Variants in B4GALNT4 observed in about 807,000 individuals in gnomAD.
B4GALNT4 encodes the protein N-acetyl-beta-glucosaminyl-glycoprotein 4-beta-N-acetylgalactosaminyltransferase 1.
In B4GALNT4, 77 loss-of-function variants were observed where a neutral mutation model predicts 110.0. The ratio of observed to expected loss-of-function variants is 0.70; its 90% CI spans 0.58 to 0.85. The LOEUF is 0.85. Among genes scored for constraint, B4GALNT4 ranks in the 40% least tolerant of loss-of-function variants. The pLI is 0.00. For missense variants in B4GALNT4, 1,575 were observed against 1,506.0 expected, an observed-to-expected ratio of 1.05 and a Z score of -0.76; for synonymous variants, 785 against 655.5, an observed-to-expected ratio of 1.20 and a Z score of -3.02.
Position 379,984 on chromosome 11 carries a change from C to T in B4GALNT4, c.2607C>T (p.Asp869=), listed in dbSNP as rs752929271. The change falls in exon 16 of 20, where the codon GAC becomes GAT. Residue 869 remains aspartate (D), a synonymous_variant. Transcript: ENST00000329962. ...TGGATTTCGAGAGCGAGGATATGGA[C>T]GTGGAGCGGGCCCTGCGCGCCGCGC... The part of the protein sequence containing the change: ...VLVDFESEDM[D]VERALRAARL... 6.8e-6 allele frequency: 11 copies of T among 1,612,922 alleles called. No individual in the cohort carries two copies. The highest frequency in any genetic ancestry group is 8.5e-6 in the Non-Finnish European group (10 of 1,179,864).
chr11:382,042 G>C lies in B4GALNT4; in HGVS notation c.*250G>C. The C allele has an allele frequency of 2.6e-6, 1 of 383,352 alleles. No homozygotes were observed. Among genetic ancestry groups the C allele is most frequent in the Non-Finnish European group, 4.7e-6 (1 of 214,836 alleles). 23.7% of individuals were successfully genotyped at this position (383,352 alleles called of 1,614,324 possible). A position where few individuals can be genotyped will look rare whatever the true frequency, so the allele number is the denominator to read the frequency against. ...GAAATTTTGCTGTAGCGATGACATTGTTTTCAGAATTTCCAAGAGTTCTGT... is the reference window on the plus strand; with the variant it reads ...GAAATTTTGCTGTAGCGATGACATTCTTTTCAGAATTTCCAAGAGTTCTGT... On this transcript the variant is annotated 3_prime_UTR_variant, in exon 20 of 20. Transcript: ENST00000329962.
chr11:376,592 A>G lies in B4GALNT4; in HGVS notation c.1469A>G (p.His490Arg). The G allele has an allele frequency of 7.6e-7, 1 of 1,311,538 alleles. No individual in the cohort carries two copies. Among genetic ancestry groups the G allele is most frequent in the East Asian group, 3.8e-5 (1 of 26,514 alleles). The allele number at this position is 1,311,538 out of a possible 1,614,324, so 81.2% of individuals were successfully genotyped here. Reference protein sequence around the residue: ...PRPRDGGTPRHSRALSWAARA... With the variant: ...PRPRDGGTPRRSRALSWAARA... ...CCCCGGGACGGGGGGACCCCCAGGC[A>G]CTCCCGGGCCCTGAGCTGGGCCGCC... is the stretch of plus-strand genomic sequence containing the variant. The change falls in exon 14 of 20, where the codon CAC becomes CGC. Residue 490 changes from histidine (H) to arginine (R), a missense_variant. By Grantham distance (29) the His-to-Arg change is conservative (BLOSUM62 0). Transcript: ENST00000329962.
Position 379,548 on chromosome 11 carries a change from C to T in B4GALNT4, c.2335C>T (p.Leu779=). 1 of 1,587,272 alleles carries T rather than the reference C, an allele frequency of 6.3e-7. No homozygotes were observed. The highest frequency in any genetic ancestry group is 8.6e-7 in the Non-Finnish European group (1 of 1,169,536). Residue 779 remains leucine (L), a synonymous_variant, in exon 15 of 20, where the codon CTG becomes TTG. Transcript: ENST00000329962. ...CCTGCGACTGTCCGAGTACGTCTTC[C>T]TGCGGCTGCCGGGAGCCCGCGTAGG... ...GRLRLSEYVF[L]RLPGARVGDA...
chr11:370,957 A>G (rs1289186606), intron 1 of B4GALNT4, among the ~76,000 whole-genome samples: 1 of 152,100 alleles, frequency 6.6e-6, no homozygotes, highest in Non-Finnish European at 1.5e-5. Context: ...CACCCTCAAG[A>G]GACCCCCGAT....
intron 15 of B4GALNT4, 71 bp downstream of exon 15, chr11:379,772 G>A: frequency 7.9e-6 from 12 of 1,513,090 alleles, no homozygotes; most frequent in South Asian, 1.3e-5. Context: ...ACTAGGAAAG[G>A]GTGTGGGTGT....
At chr11:377,866 T>C (rs749366595) in intron 14 of B4GALNT4, among the ~76,000 whole-genome samples, 4 of 152,144 alleles carry the variant, frequency 2.6e-5, no homozygotes, top group East Asian at 1.9e-4. Context: ...AGGAATCTAG[T>C]GCTGTCTGCC....
At chr11:376,018 T>A in intron 11 of B4GALNT4, 56 bp from the exon 12 acceptor site, 3 of 1,604,050 alleles carry the variant, frequency 1.9e-6, no homozygotes, top group Non-Finnish European at 2.6e-6. Context: ...TCCAGCCCCT[T>A]GGGAGGCCGC....
At chr11:371,836 C>T (rs557394719) in intron 1 of B4GALNT4, among the ~76,000 whole-genome samples, 2 of 152,362 alleles carry the variant, frequency 1.3e-5, no homozygotes, top group South Asian at 4.1e-4. Flanking sequence ...GGCTTTCCTC[C>T]CTCACACCTG....
At position 372,567 on chromosome 11, in the gene B4GALNT4, A is replaced by G. The variant is rs1053940363; in HGVS notation, c.256-95A>G. 6.5e-6 allele frequency: 7 copies of G among 1,077,628 alleles called. No individual in the cohort carries two copies. The African/African-American group carries it at 7.8e-5, about 12-fold the overall frequency. 66.8% of individuals were successfully genotyped at this position (1,077,628 alleles called of 1,614,324 possible). ...CGGGCATTTAGGGCTGTGTGGATAC[A>G]TGTTGGAAGGGGTCTTTGTGAAGGT... On this transcript the variant is annotated intron_variant, in intron 2 of 19. Coordinates refer to ENST00000329962, the MANE Select transcript of B4GALNT4 (RefSeq NM_178537.5).
chr11:369,971 G>T lies in B4GALNT4; in HGVS notation c.151+17G>T. 1.7e-6 allele frequency: 1 copy of T among 600,716 alleles called. No homozygotes were observed. The highest frequency in any genetic ancestry group is 2.0e-6 in the Non-Finnish European group (1 of 490,370). The allele number at this position is 600,716 out of a possible 1,614,324, so 37.2% of individuals were successfully genotyped here. On this transcript the variant is annotated intron_variant, in intron 1 of 19. Coordinates refer to ENST00000329962, the MANE Select transcript of B4GALNT4 (RefSeq NM_178537.5). ...ACGGGCGAGGTACGGCGCGGGGGGC[G>T]CGGGGGGCGCGGGGGGCGGGGGCGG...
Position 380,278 on chromosome 11 carries a change from C to A in B4GALNT4, c.2716-14C>A. 5 of 1,612,172 alleles carry A rather than the reference C, an allele frequency of 3.1e-6. No homozygotes were observed. Among genetic ancestry groups the A allele is most frequent in the Non-Finnish European group, 4.2e-6 (5 of 1,179,194 alleles). ...GGAGCGGAGGGCGGGGCTCAGACCTCCCGCACCCCCCAGGACGCCAGCAGC... is the reference window on the plus strand; with the variant it reads ...GGAGCGGAGGGCGGGGCTCAGACCTACCGCACCCCCCAGGACGCCAGCAGC... On this transcript the variant is annotated splice_polypyrimidine_tract_variant and intron_variant, in intron 17 of 19. Transcript: ENST00000329962.
intron 14 of B4GALNT4, among the ~76,000 whole-genome samples, chr11:377,711 C>A (rs1315309205): frequency 1.3e-5 from 2 of 152,248 alleles, no homozygotes; most frequent in African/African-American, 2.4e-5. Flanking sequence ...CAGGCAGAGA[C>A]CCTTAGGGCA....
chr11:376,057 G>GGGC lies in B4GALNT4; in HGVS notation c.1096-17_1096-16insGGC. On this transcript the variant is annotated splice_polypyrimidine_tract_variant and intron_variant, in intron 11 of 19. Coordinates refer to ENST00000329962, the MANE Select transcript of B4GALNT4 (RefSeq NM_178537.5). Reference sequence around the variant, plus strand: ...GGGAGGTCCGCGCCCTGAGCCCTGCGCCCCCCCACCCCCCAGGTGTACCTG... The same window carrying GGGC: ...GGGAGGTCCGCGCCCTGAGCCCTGCGGGCCCCCCCCACCCCCCAGGTGTACCTG... 1.9e-6 allele frequency: 3 copies of GGGC among 1,579,310 alleles called. No homozygotes were observed. Among genetic ancestry groups the GGGC allele is most frequent in the Non-Finnish European group, 2.6e-6 (3 of 1,150,816 alleles).
Position 369,607 on chromosome 11 carries a change from A to G in B4GALNT4, c.-197A>G, listed in dbSNP as rs1358255630. On this transcript the variant is annotated 5_prime_UTR_variant, in exon 1 of 20. Transcript: ENST00000329962. ...CCGCGAGGAGCCGCCCCCGCCGCCCACCCCGGGCCCGCGGCCGAGGGCGGC... is the reference window on the plus strand; with the variant it reads ...CCGCGAGGAGCCGCCCCCGCCGCCCGCCCCGGGCCCGCGGCCGAGGGCGGC... Among the ~76,000 whole-genome samples the G allele has an allele frequency of 7.1e-6, 1 of 140,990 alleles. No homozygotes were observed. The highest frequency in any genetic ancestry group is 2.3e-4 in the South Asian group (1 of 4,390). 92.5% of individuals were successfully genotyped at this position (140,990 alleles called of 152,430 possible). A position where few individuals can be genotyped will look rare whatever the true frequency, so the allele number is the denominator to read the frequency against.
chr11:381,926 G>A lies in B4GALNT4; in HGVS notation c.*134G>A. On this transcript the variant is annotated 3_prime_UTR_variant, in exon 20 of 20. Transcript: ENST00000329962. ...CCACCGCCTGTGCCTGCCCCTCTCT[G>A]GCCCACTGGGCGTCGTGCCCCTCCC... The A allele has an allele frequency of 1.8e-6, 2 of 1,116,948 alleles. No individual in the cohort carries two copies. The highest frequency in any genetic ancestry group is 2.4e-6 in the Non-Finnish European group (2 of 844,656). 69.2% of individuals were successfully genotyped at this position (1,116,948 alleles called of 1,614,324 possible). A position where few individuals can be genotyped will look rare whatever the true frequency, so the allele number is the denominator to read the frequency against.
At chr11:379,329 G>T (rs751711206) in intron 14 of B4GALNT4, 89 bp from the exon 15 acceptor site, 4 of 1,366,660 alleles carry the variant, frequency 2.9e-6, no homozygotes, top group Admixed American at 6.5e-5. Context: ...ACTCCAAGTC[G>T]GCTGAGTTTC....
intron 19 of B4GALNT4, 23 bp from the exon 20 acceptor site, chr11:381,646 C>T: frequency 6.4e-7 from 1 of 1,569,982 alleles, no homozygotes; most frequent in East Asian, 2.4e-5. Flanking sequence ...GGGTCCTGAC[C>T]ACCTCTCTGC....
chr11:370,846 C>G (rs1564866948), intron 1 of B4GALNT4, among the ~76,000 whole-genome samples: 1 of 152,118 alleles, frequency 6.6e-6, no homozygotes, highest in Non-Finnish European at 1.5e-5. Flanking sequence ...GGCCACTCCA[C>G]CTGCCAAAGC....
At chr11:373,322 G>C (rs191332491) in intron 6 of B4GALNT4, 31 bp downstream of exon 6, 19 of 1,594,174 alleles carry the variant, frequency 1.2e-5, no homozygotes, top group Non-Finnish European at 1.6e-5. Context: ...GTGTCGTCCC[G>C]GGCCTCCTGC....
Sources: allele counts gnomAD v4.1 joint callset (sites outside exome capture counted in the v4.1 genomes callset), GRCh38; gene constraint gnomAD v4.1.1; transcripts MANE v1.5; gene names NCBI Gene and HGNC (gene_info 2026-07-23, HGNC 2026-07-21).